Variants in TNNI3K observed in about 807,000 individuals in gnomAD.
The protein encoded by TNNI3K is serine/threonine-protein kinase TNNI3K.
Under a neutral mutation model 114.5 loss-of-function variants are expected in TNNI3K, and 140 were observed. The observed-to-expected ratio is 1.22, with a 90% CI of 1.07 to 1.41. The LOEUF (loss-of-function observed/expected upper bound fraction) is 1.41. TNNI3K is among the 40% of genes most tolerant of loss of function. The probability of loss-of-function intolerance (pLI) is 0.00; values close to 1 mark genes in which losing one functional copy is unlikely to be tolerated. For synonymous variants in TNNI3K, 347 were observed against 347.5 expected, an observed-to-expected ratio of 1.00 and a Z score of 0.02; for missense variants, 1,125 against 1,007.6, an observed-to-expected ratio of 1.12 and a Z score of -1.58.
intron 4 of TNNI3K, among the ~76,000 whole-genome samples, chr1:74,267,789 C>T (rs1032636893): frequency 6.6e-6 from 1 of 151,852 alleles, no homozygotes; most frequent in African/African-American, 2.4e-5. Context: ...TAAATTATTA[C>T]TCTTAACTTT....
At chr1:74,303,839 A>G (rs1311415854) in intron 5 of TNNI3K, among the ~76,000 whole-genome samples, 1 of 152,230 alleles carries the variant, frequency 6.6e-6, no homozygotes, top group Non-Finnish European at 1.5e-5. Flanking sequence ...AAATACCTAC[A>G]GTAACAGGAG....
At chr1:74,272,052 C>G (rs959629540) in intron 5 of TNNI3K, among the ~76,000 whole-genome samples, 5 of 151,842 alleles carry the variant, frequency 3.3e-5, no homozygotes, top group Non-Finnish European at 7.4e-5. Flanking sequence ...ATTAGTAAGC[C>G]TATTATAATG....
chr1:74,486,201 A>AGAGAGAGAG (rs1668751420), intron 21 of TNNI3K, among the ~76,000 whole-genome samples: 10 of 136,516 alleles, frequency 7.3e-5, no homozygotes, highest in South Asian at 2.5e-4. Context: ...AAATGCTATA[A>AGAGAGAGAG]AGAGAGAGAG....
At chr1:74,401,630 C>T (rs1664369028) in intron 17 of TNNI3K, among the ~76,000 whole-genome samples, 1 of 152,046 alleles carries the variant, frequency 6.6e-6, no homozygotes, top group Admixed American at 6.6e-5. Context: ...ACAAATGTTG[C>T]TGGAGAGGCA....
intron 23 of TNNI3K, among the ~76,000 whole-genome samples, chr1:74,530,922 CT>C (rs1250361418): frequency 6.6e-6 from 1 of 152,000 alleles, no homozygotes; most frequent in Non-Finnish European, 1.5e-5. Flanking sequence ...ACTGTTGAGC[CT>C]ATTAATAATT....
Position 74,391,947 on chromosome 1 carries a change from A to G in TNNI3K, c.1772+21555A>G, listed in dbSNP as rs906439834. 7.7e-5 allele frequency among the ~76,000 whole-genome samples: 11 copies of G among 143,614 alleles called. 1 individual carries two copies. Among genetic ancestry groups the G allele is most frequent in the Non-Finnish European group, 1.5e-4 (10 of 66,420 alleles). The allele number at this position is 143,614 out of a possible 152,430, so 94.2% of individuals were successfully genotyped here. A position where few individuals can be genotyped will look rare whatever the true frequency, so the allele number is the denominator to read the frequency against. On this transcript the variant is annotated intron_variant, in intron 17 of 24. Transcript: ENST00000326637. ...CAGATGGTCCTTGATTTAGGATGGT[A>G]CAGCTTATTATTTTTTTTTTTTTTT...
intron 7 of TNNI3K, 27 bp from the exon 8 acceptor site, chr1:74,342,813 CAT>C (rs756288460): frequency 4.3e-6 from 7 of 1,612,130 alleles, no homozygotes; most frequent in Non-Finnish European, 5.9e-6. Context: ...TTCTAGATAA[CAT>C]ATCTTTTTCT....
chr1:74,535,418 CGAGA>C (rs1646648525), intron 23 of TNNI3K, among the ~76,000 whole-genome samples: 2 of 152,088 alleles, frequency 1.3e-5, no homozygotes, highest in African/African-American at 4.8e-5. Context: ...TGCAGTGAGC[CGAGA>C]TTGCATCACT....
chr1:74,450,685 A>C (rs1463710036), intron 20 of TNNI3K, among the ~76,000 whole-genome samples: 1 of 152,186 alleles, frequency 6.6e-6, no homozygotes, highest in Non-Finnish European at 1.5e-5. Flanking sequence ...CGCAGATCAA[A>C]ACCACAATGA....
At chr1:74,370,576 A>G (rs769481598) in intron 17 of TNNI3K, 184 bp downstream of exon 17, 4 of 405,994 alleles carry the variant, frequency 9.9e-6, no homozygotes, top group Non-Finnish European at 1.7e-5. Flanking sequence ...AGAAAGCTGT[A>G]TAACTGCTTC....
intron 5 of TNNI3K, among the ~76,000 whole-genome samples, chr1:74,289,093 A>G (rs1657505621): frequency 6.6e-6 from 1 of 151,788 alleles, no homozygotes; most frequent in African/African-American, 2.4e-5. Flanking sequence ...AAAATCAATT[A>G]TTTTTACATT....
intron 24 of TNNI3K, among the ~76,000 whole-genome samples, chr1:74,540,733 T>G (rs1453876084): frequency 6.7e-6 from 1 of 150,054 alleles, no homozygotes; most frequent in Non-Finnish European, 1.5e-5. Flanking sequence ...AAGAGATGAA[T>G]TTTCACAATT....
At chr1:74,311,024 T>G (rs1658962619) in intron 5 of TNNI3K, among the ~76,000 whole-genome samples, 1 of 152,154 alleles carries the variant, frequency 6.6e-6, no homozygotes, top group Non-Finnish European at 1.5e-5. Flanking sequence ...GGTCCCCAGT[T>G]AAACATTATT....
chr1:74,533,531 A>G (rs1451330831), intron 23 of TNNI3K, among the ~76,000 whole-genome samples: 4 of 151,956 alleles, frequency 2.6e-5, no homozygotes, highest in African/African-American at 4.8e-5. Flanking sequence ...AGAACTAGAA[A>G]TACCATTTGA....
chr1:74,518,536 T>C (rs17095504), intron 23 of TNNI3K, among the ~76,000 whole-genome samples: 14,472 of 152,120 alleles, frequency 0.095, 1,575 homozygotes, highest in African/African-American at 0.27. Flanking sequence ...GGCTCTATGG[T>C]TCCCACTGCT....
Position 74,369,273 on chromosome 1 carries a change from G to A in TNNI3K, c.1472+9G>A. Reference sequence around the variant, plus strand: ...ATAGTGGCTATAAAACGGTAAGCAAGCAAATGAAAAAATTTAACATCCAGG... The same window carrying A: ...ATAGTGGCTATAAAACGGTAAGCAAACAAATGAAAAAATTTAACATCCAGG... On this transcript the variant is annotated intron_variant, in intron 15 of 24. Coordinates refer to ENST00000326637, the MANE Select transcript of TNNI3K (RefSeq NM_015978.3). 2 of 1,611,694 alleles carry A rather than the reference G, an allele frequency of 1.2e-6. No homozygotes were observed. Among genetic ancestry groups the A allele is most frequent in the South Asian group, 1.1e-5 (1 of 90,772 alleles).
chr1:74,385,126 A>G (rs2100556034), intron 17 of TNNI3K, among the ~76,000 whole-genome samples: 1 of 152,272 alleles, frequency 6.6e-6, no homozygotes, highest in South Asian at 2.1e-4. Flanking sequence ...CTGTGAAAGA[A>G]AGCACACGTA....
At chr1:74,263,574 A>C (rs1218029663) in intron 4 of TNNI3K, among the ~76,000 whole-genome samples, 1 of 152,040 alleles carries the variant, frequency 6.6e-6, no homozygotes, top group Non-Finnish European at 1.5e-5. Flanking sequence ...ATAGGAAATT[A>C]GGAAATTGTC....
chr1:74,378,388 G>A (rs1174189230), intron 17 of TNNI3K, among the ~76,000 whole-genome samples: 1 of 151,194 alleles, frequency 6.6e-6, no homozygotes, highest in African/African-American at 2.4e-5. Context: ...ATTGAAATTT[G>A]CATCTTGATT....
Sources: allele counts gnomAD v4.1 joint callset (sites outside exome capture counted in the v4.1 genomes callset), GRCh38; gene constraint gnomAD v4.1.1; transcripts MANE v1.5; gene names NCBI Gene and HGNC (gene_info 2026-07-23, HGNC 2026-07-21).